CHSY3: variants seen among roughly 807,000 people sequenced by gnomAD.
CHSY3 encodes the protein chondroitin sulfate synthase 3.
Under a neutral mutation model 67.2 loss-of-function variants are expected in CHSY3, and 35 were observed. That is an observed-to-expected ratio of 0.52 (90% CI 0.40 to 0.69). CHSY3 has a LOEUF of 0.69. Among genes scored for constraint, CHSY3 ranks in the 30% least tolerant of loss-of-function variants. The pLI is 0.00. For synonymous variants in CHSY3, 474 were observed against 434.7 expected (o/e 1.09, Z -1.12); for missense variants, 1,069 against 1,138.5 (o/e 0.94, Z 0.88).
At chr5:129,967,022 A>G (rs76280781) in intron 2 of CHSY3, among the ~76,000 whole-genome samples, 4,114 of 151,916 alleles carry the variant, frequency 0.027, 83 homozygotes, top group Admixed American at 0.041. Context: ...ACCATCTTCT[A>G]TTTATATAAC....
chr5:130,007,837 T>C (rs1434529817), intron 2 of CHSY3, among the ~76,000 whole-genome samples: 1 of 152,166 alleles, frequency 6.6e-6, no homozygotes, highest in Non-Finnish European at 1.5e-5. Context: ...CAATCTAATC[T>C]GAATACCCCC....
chr5:129,942,220 C>A (rs976827420), intron 2 of CHSY3, among the ~76,000 whole-genome samples: 3 of 152,030 alleles, frequency 2.0e-5, no homozygotes, highest in African/African-American at 7.2e-5. Flanking sequence ...AACATTGTAT[C>A]AAAAAACTAT....
chr5:129,949,875 A>G (rs1287913993), intron 2 of CHSY3, among the ~76,000 whole-genome samples: 2 of 152,074 alleles, frequency 1.3e-5, no homozygotes, highest in Admixed American at 6.6e-5. Flanking sequence ...AAATCATATG[A>G]TGGATAGGCT....
intron 2 of CHSY3, among the ~76,000 whole-genome samples, chr5:130,047,438 G>A (rs986718227): frequency 1.3e-5 from 2 of 151,944 alleles, no homozygotes; most frequent in African/African-American, 4.8e-5. Context: ...CTTACCAATT[G>A]CAAGTTAAAT....
intron 2 of CHSY3, among the ~76,000 whole-genome samples, chr5:129,952,255 G>A (rs1457923523): frequency 2.0e-5 from 3 of 152,160 alleles, no homozygotes; most frequent in Non-Finnish European, 4.4e-5. Flanking sequence ...GGAGGGTTTG[G>A]ATAAGAGTGG....
chr5:129,994,804 A>G (rs1388545829), intron 2 of CHSY3, among the ~76,000 whole-genome samples: 1 of 150,746 alleles, frequency 6.6e-6, no homozygotes, highest in Non-Finnish European at 1.5e-5. Context: ...AGGACAAAAA[A>G]CCAAACACCG....
rs776444331 is a variant in CHSY3 at position 130,184,565 on chromosome 5, T to C, written c.1423T>C (p.Tyr475His). The C allele has an allele frequency of 1.1e-5, 18 of 1,610,790 alleles. No homozygotes were observed. The highest frequency in any genetic ancestry group is 1.4e-5 in the Non-Finnish European group (17 of 1,177,094). ...EWEFLTGKLL[Y>H]SAAENQPPRQ... Reference sequence around the variant, plus strand: ...GGAGTTCCTGACAGGGAAGCTTCTATACTCAGCAGCTGAGAACCAGCCCCC... The same window carrying C: ...GGAGTTCCTGACAGGGAAGCTTCTACACTCAGCAGCTGAGAACCAGCCCCC... Residue 475 changes from tyrosine (Y) to histidine (H), a missense_variant, in exon 3 of 3, where the codon TAC becomes CAC. Coordinates refer to ENST00000305031, the MANE Select transcript of CHSY3 (RefSeq NM_175856.5).
intron 2 of CHSY3, among the ~76,000 whole-genome samples, chr5:130,070,039 T>C (rs531915036): frequency 9.2e-5 from 14 of 152,148 alleles, no homozygotes; most frequent in African/African-American, 2.9e-4. Flanking sequence ...TTGATGATTA[T>C]AGAATTAGAA....
intron 2 of CHSY3, among the ~76,000 whole-genome samples, chr5:129,928,500 C>T (rs1260482325): frequency 6.6e-6 from 1 of 151,908 alleles, no homozygotes; most frequent in Non-Finnish European, 1.5e-5. Context: ...CATTTTAACA[C>T]TTAAGGTATC....
chr5:130,131,264 A>G (rs1768475615), intron 2 of CHSY3, among the ~76,000 whole-genome samples: 1 of 152,102 alleles, frequency 6.6e-6, no homozygotes, highest in Non-Finnish European at 1.5e-5. Flanking sequence ...AATTTCCCCT[A>G]AAGTATCTAA....
chr5:130,175,341 T>C (rs943431536), intron 2 of CHSY3, among the ~76,000 whole-genome samples: 36 of 152,166 alleles, frequency 2.4e-4, no homozygotes, highest in African/African-American at 8.4e-4. Flanking sequence ...AAACCACTGC[T>C]CAAGGAAATA....
chr5:129,908,021 A>C, intron 1 of CHSY3, 56 bp from the exon 2 acceptor site: 2 of 1,570,436 alleles, frequency 1.3e-6, no homozygotes, highest in Non-Finnish European at 1.7e-6. Context: ...TACCTTGTAC[A>C]TGATAAGTGA....
At chr5:129,944,765 G>A (rs1259854368) in intron 2 of CHSY3, among the ~76,000 whole-genome samples, 1 of 152,146 alleles carries the variant, frequency 6.6e-6, no homozygotes, top group African/African-American at 2.4e-5. Context: ...TCCAAGTGCT[G>A]TAGTTTTACT....
intron 2 of CHSY3, chr5:130,141,502 T>C (rs117485933): frequency 2.7e-6 from 1 of 367,792 alleles, no homozygotes; most frequent in East Asian, 6.4e-5. Context: ...TGGCCCAGAG[T>C]AAGTAAAGGA....
chr5:130,058,046 G>T (rs1036531376), intron 2 of CHSY3, among the ~76,000 whole-genome samples: 14 of 151,954 alleles, frequency 9.2e-5, no homozygotes, highest in Admixed American at 6.6e-5. Context: ...TAAAAATTCA[G>T]AACACAGTGA....
intron 2 of CHSY3, among the ~76,000 whole-genome samples, chr5:130,138,080 A>C (rs191799230): frequency 2.0e-5 from 3 of 148,694 alleles, no homozygotes; most frequent in Non-Finnish European, 4.4e-5. Flanking sequence ...ACAAAATACA[A>C]AAAAAAAATT....
intron 2 of CHSY3, among the ~76,000 whole-genome samples, chr5:130,178,252 TA>T (rs71223015): frequency 0.023 from 1,597 of 69,858 alleles, 26 homozygotes; most frequent in African/African-American, 0.035. Context: ...TATATATATA[TA>T]TTTTTTTTTT....
chr5:130,015,805 C>T (rs1764203593), intron 2 of CHSY3, among the ~76,000 whole-genome samples: 3 of 152,266 alleles, frequency 2.0e-5, no homozygotes, highest in South Asian at 4.2e-4. Context: ...CTGCACTAGT[C>T]ACCACAGCAA....
chr5:130,047,243 A>T lies in CHSY3; in HGVS notation c.1087-136986A>T, dbSNP rs1233677352. 7.9e-5 allele frequency among the ~76,000 whole-genome samples: 12 copies of T among 152,176 alleles called. No homozygotes were observed. The South Asian group carries it at 2.3e-3, about 29-fold the overall frequency. ...TCAATAATGTATTGAAATGACTTTAACTCAGCTCACCTTTTATCTGATATT... is the reference window on the plus strand; with the variant it reads ...TCAATAATGTATTGAAATGACTTTATCTCAGCTCACCTTTTATCTGATATT... On this transcript the variant is annotated intron_variant, in intron 2 of 2. Transcript: ENST00000305031.
Sources: gnomAD v4.1 joint callset for allele counts (sites outside exome capture counted in the v4.1 genomes callset) on GRCh38, gnomAD v4.1.1 for gene constraint, MANE v1.5 for transcripts, NCBI Gene and HGNC (gene_info 2026-07-23, HGNC 2026-07-21) for gene names.